The following KCND3 variants were observed in gnomAD, a reference collection of about 807,000 sequenced individuals.
KCND3 encodes potassium voltage-gated channel subfamily D member 3.
KCND3 carries 9 observed loss-of-function variants against 51.1 expected under a neutral mutation model. The ratio of observed to expected loss-of-function variants is 0.18; its 90% CI spans 0.11 to 0.31. KCND3 has a LOEUF of 0.31. Ranked by LOEUF, KCND3 falls within the 10% of genes least tolerant of loss-of-function variation. KCND3 has a pLI of 1.00. For missense variants in KCND3, 526 were observed against 903.8 expected (o/e 0.58, Z 5.36); for synonymous variants, 349 against 368.0 (o/e 0.95, Z 0.59).
At position 111,864,371 on chromosome 1, in the gene KCND3, A is replaced by G. The variant is rs148163881; in HGVS notation, c.1107-77265T>C. ...GGTCCCAGGGGAAATCTCAGGTAAG[A>G]ATTTCCCTTCAGTAAGAACTTACTT... On this transcript the variant is annotated intron_variant, in intron 2 of 7. Coordinates refer to ENST00000302127, the MANE Select transcript of KCND3 (RefSeq NM_001378969.1). Among the ~76,000 whole-genome samples the G allele has an allele frequency of 2.7e-3, 404 of 152,264 alleles. 3 individuals are homozygous for G. The highest frequency in any genetic ancestry group is 4.4e-3 in the Non-Finnish European group (300 of 68,008).
At position 111,969,136 on chromosome 1, in the gene KCND3, C is replaced by T. The variant is rs1169597050; in HGVS notation, c.1106+12485G>A. Among the ~76,000 whole-genome samples the T allele has an allele frequency of 2.6e-5, 4 of 151,988 alleles. No homozygotes were observed. The East Asian group carries it at 7.7e-4, about 29-fold the overall frequency. The stretch of plus-strand genomic sequence containing the variant: ...CCCCTGCTGGTGAACCACTGCCTGC[C>T]TGCCACGGGTGTCCATATCCCTGTT... On this transcript the variant is annotated intron_variant, in intron 2 of 7. Transcript: ENST00000302127.
chr1:111,818,070 ACAC>A (rs1571687835), intron 2 of KCND3, among the ~76,000 whole-genome samples: 3 of 149,590 alleles, frequency 2.0e-5, no homozygotes, highest in East Asian at 1.9e-4. Context: ...ACACACACAC[ACAC>A]ACACAGAATT....
chr1:111,881,109 G>A (rs1024615629), intron 2 of KCND3, among the ~76,000 whole-genome samples: 2 of 152,126 alleles, frequency 1.3e-5, no homozygotes, highest in South Asian at 2.1e-4. Flanking sequence ...AGAAAGGGGC[G>A]GCCCCCCTCC....
intron 6 of KCND3, 116 bp from the exon 7 acceptor site, chr1:111,777,389 G>T: frequency 9.1e-7 from 1 of 1,094,238 alleles, no homozygotes; most frequent in Non-Finnish European, 1.4e-6. Context: ...AGGGCTCCCA[G>T]CTGCCCGGAT....
intron 2 of KCND3, among the ~76,000 whole-genome samples, chr1:111,817,786 G>A (rs1403456285): frequency 6.6e-6 from 1 of 152,210 alleles, no homozygotes; most frequent in Non-Finnish European, 1.5e-5. Flanking sequence ...ATTTAGTGTT[G>A]TAATCAAGCG....
chr1:111,921,593 G>A (rs1671477954), intron 2 of KCND3, among the ~76,000 whole-genome samples: 1 of 152,158 alleles, frequency 6.6e-6, no homozygotes, highest in African/African-American at 2.4e-5. Flanking sequence ...GAGAAAGTGG[G>A]GAGAAAATAC....
intron 2 of KCND3, among the ~76,000 whole-genome samples, chr1:111,954,920 C>A (rs1230750093): frequency 6.6e-6 from 1 of 152,232 alleles, no homozygotes; most frequent in Non-Finnish European, 1.5e-5. Context: ...TCACTCACTG[C>A]TAATGCCCTC....
intron 2 of KCND3, among the ~76,000 whole-genome samples, chr1:111,789,852 G>T (rs1334542204): frequency 6.6e-6 from 1 of 152,194 alleles, no homozygotes; most frequent in Non-Finnish European, 1.5e-5. Flanking sequence ...AACAAGATGT[G>T]TTCTTGTCCC....
At chr1:111,793,317 A>G (rs1035728211) in intron 2 of KCND3, among the ~76,000 whole-genome samples, 1 of 151,848 alleles carries the variant, frequency 6.6e-6, no homozygotes, top group African/African-American at 2.4e-5. Flanking sequence ...CTGGGACTAC[A>G]GGTGTCCATC....
intron 2 of KCND3, among the ~76,000 whole-genome samples, chr1:111,855,066 G>C (rs536966379): frequency 3.6e-4 from 55 of 152,276 alleles, no homozygotes; most frequent in Admixed American, 9.8e-4. Context: ...CTCCATCCTG[G>C]TCTGGCCAGC....
intron 2 of KCND3, among the ~76,000 whole-genome samples, chr1:111,830,872 T>C (rs538127137): frequency 3.9e-5 from 6 of 152,384 alleles, no homozygotes; most frequent in African/African-American, 1.4e-4. Flanking sequence ...GCTAAATTTC[T>C]AACCCTACAT....
chr1:111,902,831 C>A (rs186626782), intron 2 of KCND3, among the ~76,000 whole-genome samples: 2 of 152,276 alleles, frequency 1.3e-5, no homozygotes, highest in Admixed American at 1.3e-4. Flanking sequence ...ACTAGGTACT[C>A]AGTAAATAAT....
At chr1:111,838,461 G>T (rs1205926959) in intron 2 of KCND3, among the ~76,000 whole-genome samples, 8 of 152,086 alleles carry the variant, frequency 5.3e-5, no homozygotes, top group Admixed American at 5.2e-4. Context: ...TTCGAGACCA[G>T]CCTGGCCGAC....
intron 2 of KCND3, among the ~76,000 whole-genome samples, chr1:111,852,384 T>C (rs1667859259): frequency 1.3e-5 from 2 of 152,232 alleles, no homozygotes; most frequent in Admixed American, 6.5e-5. Flanking sequence ...GGAGTCCTTT[T>C]TGTGGGCCGG....
chr1:111,939,567 A>G (rs1672391808), intron 2 of KCND3, among the ~76,000 whole-genome samples: 1 of 152,086 alleles, frequency 6.6e-6, no homozygotes, highest in Non-Finnish European at 1.5e-5. Flanking sequence ...ATCCTTTTTT[A>G]TGGCTGCATA....
chr1:111,839,338 CT>C (rs1369487809), intron 2 of KCND3, among the ~76,000 whole-genome samples: 2 of 152,212 alleles, frequency 1.3e-5, no homozygotes, highest in Non-Finnish European at 2.9e-5. Context: ...GAAGCAGGTG[CT>C]TTTATTTTCC....
intron 2 of KCND3, among the ~76,000 whole-genome samples, chr1:111,964,526 G>A (rs1673859183): frequency 6.6e-6 from 1 of 152,152 alleles, no homozygotes; most frequent in Non-Finnish European, 1.5e-5. Flanking sequence ...CAGCCCCAGA[G>A]GAACAAGGTC....
At position 111,982,187 on chromosome 1, in the gene KCND3, C is replaced by T. The variant is rs199505539; in HGVS notation, c.540G>A (p.Thr180=). 2 of 1,614,044 alleles carry T rather than the reference C, an allele frequency of 1.2e-6. No homozygotes were observed. The highest frequency in any genetic ancestry group is 1.1e-5 in the South Asian group (1 of 91,072). The change falls in exon 2 of 8, where the codon ACG becomes ACA. Residue 180 remains threonine, a synonymous_variant. Transcript: ENST00000302127. This position sits in a 1 kb window ranked among gnomAD's most constrained non-coding sequence, Gnocchi z 8.5. ...TCACGTAGTAGAAGACCAGGGCCAG[C>T]GTGCTGGTGTGGGGGTTCTCGAAGG... ...WRAFENPHTS[T]LALVFYYVTG... is the part of the protein sequence containing the mutation.
intron 2 of KCND3, among the ~76,000 whole-genome samples, chr1:111,939,286 C>G (rs964116140): frequency 2.0e-5 from 3 of 152,080 alleles, no homozygotes; most frequent in East Asian, 3.9e-4. Flanking sequence ...ACGTGCAGGT[C>G]TGTTACATAG....
Sources: gnomAD v4.1 joint callset for allele counts (sites outside exome capture counted in the v4.1 genomes callset) on GRCh38, gnomAD v4.1.1 for gene constraint, Gnocchi (gnomAD v3.1) non-coding constraint, MANE v1.5 for transcripts, NCBI Gene and HGNC (gene_info 2026-07-23, HGNC 2026-07-21) for gene names.